EFNA5: variants seen among roughly 807,000 people sequenced by gnomAD.
EFNA5 encodes the protein ephrin-A5.
Under a neutral mutation model 22.9 loss-of-function variants are expected in EFNA5, and 5 were observed. That is an observed-to-expected ratio of 0.22 (90% CI 0.11 to 0.46). EFNA5 has a LOEUF of 0.46. Among genes scored for constraint, EFNA5 ranks in the 20% least tolerant of loss-of-function variants. EFNA5 has a pLI of 0.99. For synonymous variants in EFNA5, 113 were observed against 112.2 expected (o/e 1.01, Z -0.04); for missense variants, 237 against 293.3 (o/e 0.81, Z 1.40).
At position 107,381,288 on chromosome 5, in the gene EFNA5, T is replaced by C; in HGVS notation, c.654A>G (p.Leu218=). 6.2e-7 allele frequency: 1 copy of C among 1,613,980 alleles called. No individual in the cohort carries two copies. Among genetic ancestry groups the C allele is most frequent in the African/African-American group, 1.3e-5 (1 of 75,034 alleles). Reference sequence around the variant, plus strand: ...TCAAAAGCATCGCCAGGAGGAACAGTAGGATTGCCAAAAGGCGGCTGGGTA... The same window carrying C: ...TCAAAAGCATCGCCAGGAGGAACAGCAGGATTGCCAAAAGGCGGCTGGGTA... ...PRIPSRLLAI[L]LFLLAMLLTL Residue 218 remains leucine (L), a synonymous_variant, in exon 5 of 5, where the codon CTA becomes CTG. Coordinates refer to ENST00000333274, the MANE Select transcript of EFNA5 (RefSeq NM_001962.3).
intron 1 of EFNA5, among the ~76,000 whole-genome samples, chr5:107,498,384 C>A (rs1387366622): frequency 6.6e-6 from 1 of 152,182 alleles, no homozygotes; most frequent in Non-Finnish European, 1.5e-5. Flanking sequence ...AACTGAAACT[C>A]ACTCACAAAT....
intron 1 of EFNA5, among the ~76,000 whole-genome samples, chr5:107,522,055 T>C (rs1487940938): frequency 1.3e-5 from 2 of 152,176 alleles, no homozygotes; most frequent in Admixed American, 6.5e-5. Flanking sequence ...AACAATATTA[T>C]ATAGCAACGG....
chr5:107,573,807 G>A (rs527490971), intron 1 of EFNA5, among the ~76,000 whole-genome samples: 3 of 152,080 alleles, frequency 2.0e-5, no homozygotes, highest in Admixed American at 6.6e-5. Context: ...GTTTTAGAAC[G>A]AACAAAATCA....
intron 1 of EFNA5, among the ~76,000 whole-genome samples, chr5:107,617,233 C>CAGAGAGAG (rs1281823984): frequency 4.0e-5 from 6 of 149,180 alleles, no homozygotes; most frequent in African/African-American, 1.5e-4. Context: ...CACACACACA[C>CAGAGAGAG]ACACAGAGAG....
Position 107,603,495 on chromosome 5 carries a change from C to T in EFNA5, c.125+66994G>A, listed in dbSNP as rs550050558. Among the ~76,000 whole-genome samples, 6 of 152,316 alleles carry T rather than the reference C, an allele frequency of 3.9e-5. 1 individual carries two copies. Among genetic ancestry groups the T allele is most frequent in the African/African-American group, 9.6e-5 (4 of 41,556 alleles). On this transcript the variant is annotated intron_variant, in intron 1 of 4. Transcript: ENST00000333274. Reference sequence around the variant, plus strand: ...AACAGCGTTCTCATTCTGAACAATACGCATGAACCAAGGGAAAGGTTCCAT... The same window carrying T: ...AACAGCGTTCTCATTCTGAACAATATGCATGAACCAAGGGAAAGGTTCCAT...
chr5:107,405,631 A>G (rs917061325), intron 2 of EFNA5, among the ~76,000 whole-genome samples: 3 of 152,164 alleles, frequency 2.0e-5, no homozygotes, highest in Non-Finnish European at 4.4e-5. Context: ...TAGCCCAAGA[A>G]GCAAAAAGGA....
intron 1 of EFNA5, among the ~76,000 whole-genome samples, chr5:107,553,977 T>C (rs1253380194): frequency 6.6e-6 from 1 of 152,208 alleles, no homozygotes; most frequent in African/African-American, 2.4e-5. Flanking sequence ...TGGATTATTA[T>C]TTAGCCTGGG....
intron 1 of EFNA5, among the ~76,000 whole-genome samples, chr5:107,647,642 T>C (rs562226845): frequency 2.3e-4 from 35 of 152,320 alleles, no homozygotes; most frequent in South Asian, 1.7e-3. Context: ...ATTCAGTTCA[T>C]GTCCAACAAA....
chr5:107,405,933 T>A (rs192250), intron 2 of EFNA5, among the ~76,000 whole-genome samples: 1 of 143,968 alleles, frequency 6.9e-6, no homozygotes, highest in Non-Finnish European at 1.5e-5. Flanking sequence ...ATACATATAT[T>A]TGTATACATA....
At chr5:107,591,016 A>G (rs1749313715) in intron 1 of EFNA5, among the ~76,000 whole-genome samples, 1 of 152,036 alleles carries the variant, frequency 6.6e-6, no homozygotes, top group Non-Finnish European at 1.5e-5. Flanking sequence ...TTTTACTACC[A>G]TCTGTTGTTT....
chr5:107,660,315 T>TATATATATATATATATA (rs1750926620), intron 1 of EFNA5, among the ~76,000 whole-genome samples: 2 of 109,744 alleles, frequency 1.8e-5, no homozygotes, highest in Non-Finnish European at 3.7e-5. Flanking sequence ...TATATATATA[T>TATATATATATATATATA]TTGGCAAGTG....
At chr5:107,401,269 T>A (rs1457207370) in intron 2 of EFNA5, among the ~76,000 whole-genome samples, 1 of 152,210 alleles carries the variant, frequency 6.6e-6, no homozygotes, top group Non-Finnish European at 1.5e-5. Context: ...TTTATTGTAT[T>A]ACTTGGCATT....
chr5:107,586,590 C>T (rs1749191277), intron 1 of EFNA5, among the ~76,000 whole-genome samples: 1 of 152,082 alleles, frequency 6.6e-6, no homozygotes, highest in South Asian at 2.1e-4. Context: ...TACCCCTCTA[C>T]CCAAAATAAT....
intron 1 of EFNA5, among the ~76,000 whole-genome samples, chr5:107,512,364 AAACAACAACAACAAC>A (rs138250906): frequency 2.0e-5 from 3 of 149,376 alleles, no homozygotes; most frequent in Non-Finnish European, 4.4e-5. Context: ...AAAACAAACA[AAACAACAACAACAAC>A]AACAACAACA....
chr5:107,617,831 A>G (rs528750410), intron 1 of EFNA5, among the ~76,000 whole-genome samples: 11 of 152,228 alleles, frequency 7.2e-5, no homozygotes, highest in Middle Eastern at 3.4e-3. Flanking sequence ...CATCTACTTA[A>G]AGTAAGTGGA....
chr5:107,401,856 G>A (rs998873433), intron 2 of EFNA5, among the ~76,000 whole-genome samples: 2 of 152,190 alleles, frequency 1.3e-5, no homozygotes, highest in African/African-American at 4.8e-5. Context: ...CCTCCTGTAA[G>A]TGTGCTCCTT....
intron 1 of EFNA5, among the ~76,000 whole-genome samples, chr5:107,442,998 C>T (rs1188930724): frequency 1.3e-5 from 2 of 149,906 alleles, no homozygotes; most frequent in Middle Eastern, 3.5e-3. Flanking sequence ...TACCTCAAAC[C>T]AGAGTATTCT....
chr5:107,533,477 G>A (rs1369258664), intron 1 of EFNA5, among the ~76,000 whole-genome samples: 2 of 152,144 alleles, frequency 1.3e-5, no homozygotes, highest in African/African-American at 2.4e-5. Flanking sequence ...AACCTTAGCT[G>A]TGTCAAGTGC....
At chr5:107,608,745 C>A (rs1361728817) in intron 1 of EFNA5, among the ~76,000 whole-genome samples, 7 of 152,208 alleles carry the variant, frequency 4.6e-5, no homozygotes, top group Non-Finnish European at 8.8e-5. Context: ...AGCAGAGCTG[C>A]ATGTGGCCAC....
Sources: allele counts gnomAD v4.1 joint callset (sites outside exome capture counted in the v4.1 genomes callset), GRCh38; gene constraint gnomAD v4.1.1; transcripts MANE v1.5; gene names NCBI Gene and HGNC (gene_info 2026-07-23, HGNC 2026-07-21).